Variants in NXNL2 observed in about 807,000 individuals in gnomAD.
The protein encoded by NXNL2 is nucleoredoxin like 2.
A neutral mutation model predicts 11.1 loss-of-function variants in NXNL2; 7 were observed. The ratio of observed to expected loss-of-function variants is 0.63; its 90% confidence interval spans 0.36 to 1.18. NXNL2 has a LOEUF of 1.18. NXNL2 is among the 50% of genes most tolerant of loss of function. The probability of loss-of-function intolerance (pLI) is 0.02; values close to 1 mark genes in which losing one functional copy is unlikely to be tolerated. For missense variants in NXNL2, 233 were observed against 217.7 expected, an observed-to-expected ratio of 1.07 and a Z score of -0.44; for synonymous variants, 109 against 101.8, an observed-to-expected ratio of 1.07 and a Z score of -0.42.
At chr9:88,564,358 A>T (rs1484471421) in intron 1 of NXNL2, among the ~76,000 whole-genome samples, 1 of 150,198 alleles carries the variant, frequency 6.7e-6, no homozygotes. Context: ...TTTATCTGTC[A>T]TCTATTATCT....
intron 1 of NXNL2, among the ~76,000 whole-genome samples, chr9:88,540,462 G>A (rs942715698): frequency 3.9e-5 from 6 of 152,052 alleles, no homozygotes; most frequent in Admixed American, 3.3e-4. Flanking sequence ...AGTTCCACAC[G>A]CGCCTCCCCT....
At chr9:88,543,867 G>C (rs1263871878) in intron 1 of NXNL2, among the ~76,000 whole-genome samples, 1 of 152,104 alleles carries the variant, frequency 6.6e-6, no homozygotes, top group Non-Finnish European at 1.5e-5. Flanking sequence ...TGTGGAATTG[G>C]GTTAGAAATG....
At chr9:88,539,342 A>G (rs781331115) in intron 1 of NXNL2, among the ~76,000 whole-genome samples, 18 of 152,148 alleles carry the variant, frequency 1.2e-4, no homozygotes, top group Non-Finnish European at 1.8e-4. Context: ...GGGGGTGCTC[A>G]GGAATCTGTA....
intron 1 of NXNL2, among the ~76,000 whole-genome samples, chr9:88,560,279 C>T (rs1455849070): frequency 6.6e-6 from 1 of 151,680 alleles, no homozygotes; most frequent in African/African-American, 2.4e-5. Flanking sequence ...GCCCACTCAG[C>T]CCTTCTGCTT....
At chr9:88,579,966 T>TA (rs901383429), downstream of NXNL2, among the ~76,000 whole-genome samples, 3 of 151,208 alleles carry the variant, frequency 2.0e-5, no homozygotes, top group East Asian at 2.0e-4. Context: ...CTATCTCTAC[T>TA]AAAAAAAATA....
chr9:88,555,753 G>A (rs978272044), intron 1 of NXNL2, among the ~76,000 whole-genome samples: 5 of 152,172 alleles, frequency 3.3e-5, no homozygotes, highest in African/African-American at 1.2e-4. Context: ...TTGGCACTGG[G>A]CTCACTCCTC....
intron 1 of NXNL2, among the ~76,000 whole-genome samples, chr9:88,567,303 T>A (rs548502035): frequency 6.6e-5 from 10 of 152,148 alleles, no homozygotes; most frequent in African/African-American, 2.2e-4. Flanking sequence ...CATCCCCAGC[T>A]AATTTTTGTA....
intron 1 of NXNL2, among the ~76,000 whole-genome samples, chr9:88,564,296 TCTATC>T (rs1564074723): frequency 6.4e-4 from 91 of 142,218 alleles, no homozygotes; most frequent in African/African-American, 2.6e-3. Context: ...TATCTATCTA[TCTATC>T]TATCTATCTA....
chr9:88,578,676 C>A (rs943012551), downstream of NXNL2, among the ~76,000 whole-genome samples: 1 of 152,232 alleles, frequency 6.6e-6, no homozygotes, highest in African/African-American at 2.4e-5. Flanking sequence ...TCGTGGTCAT[C>A]TGCTAGGCAG....
intron 1 of NXNL2, among the ~76,000 whole-genome samples, chr9:88,565,788 T>C (rs1413084727): frequency 1.3e-5 from 2 of 152,156 alleles, no homozygotes; most frequent in East Asian, 3.9e-4. Flanking sequence ...CCACCCACCT[T>C]GGTCTCCCAA....
At position 88,560,915 on chromosome 9, in the gene NXNL2, G is replaced by A. The variant is rs142337513; in HGVS notation, c.303-10172G>A. 6.1e-3 allele frequency among the ~76,000 whole-genome samples: 932 copies of A among 152,250 alleles called. 5 individuals are homozygous for A. The highest frequency in any genetic ancestry group is 9.9e-3 in the Non-Finnish European group (670 of 68,020). ...GGATATTGAGAGCACTGCGCTGGGG[G>A]AGGAAAGAAAAACACAAGATGATTC... On this transcript the variant is annotated intron_variant, in intron 1 of 2. Coordinates refer to the NXNL2 transcript ENST00000375855.
At position 88,544,127 on chromosome 9, in the gene NXNL2, C is replaced by T. The variant is rs148778000; in HGVS notation, c.303-252C>T. Among the ~76,000 whole-genome samples the T allele has an allele frequency of 1.9e-4, 29 of 152,220 alleles. No homozygotes were observed. The East Asian group carries it at 2.3e-3, about 12-fold the overall frequency. On this transcript the variant is annotated intron_variant, in intron 1 of 1. Transcript: ENST00000375854. ...TGGAGGTTGCAGTGAGCCGAGATCG[C>T]GCCATTGCACTCTAGCCTGGGCGAC...
In NXNL2 at chr9:88,561,984, C is replaced by A. The variant is rs117174773; in HGVS notation, c.303-9103C>A. On this transcript the variant is annotated intron_variant, in intron 1 of 2. Coordinates refer to the NXNL2 transcript ENST00000375855. ...ACGGATCCTATGTTACCCAAAGACACGACCAGGAATGTGCATAGCAGCACT... is the reference window on the plus strand; with the variant it reads ...ACGGATCCTATGTTACCCAAAGACAAGACCAGGAATGTGCATAGCAGCACT... Among the ~76,000 whole-genome samples, 23 of 152,250 alleles carry A rather than the reference C, an allele frequency of 1.5e-4. No individual in the cohort carries two copies. In the East Asian group the frequency reaches 4.4e-3, roughly 29 times the overall value.
chr9:88,580,709 A>C (rs1384408062), downstream of NXNL2, among the ~76,000 whole-genome samples: 1 of 152,208 alleles, frequency 6.6e-6, no homozygotes, highest in Non-Finnish European at 1.5e-5. Flanking sequence ...GCATTGATGC[A>C]GTACTGTTAA....
At position 88,544,810 on chromosome 9, in the gene NXNL2, A is replaced by G. The variant is rs1587843503; in HGVS notation, c.*263A>G. ...CACCTGTGCTTAAGGAAGGATCCTC[A>G]TATGTTCATACTGAGCTGTTGGAAA... On this transcript the variant is annotated 3_prime_UTR_variant, in exon 2 of 2. Transcript: ENST00000375854. The G allele has an allele frequency of 2.6e-6, 3 of 1,173,216 alleles. No homozygotes were observed. Among genetic ancestry groups the G allele is most frequent in the Non-Finnish European group, 3.2e-6 (3 of 950,036 alleles). 72.7% of individuals were successfully genotyped at this position (1,173,216 alleles called of 1,614,324 possible).
rs535259527 is a variant in NXNL2, at chr9:88,581,571, C to G, written n.552-2428C>G. 2.0e-5 allele frequency among the ~76,000 whole-genome samples: 3 copies of G among 152,264 alleles called. No homozygotes were observed. In the South Asian group the frequency reaches 6.2e-4, roughly 32 times the overall value. On this transcript the variant is annotated intron_variant and non_coding_transcript_variant, in intron 1 of 1. Transcript: ENST00000478686. ...TCCCGCCTCAGCCGCCTCAGCCTCC[C>G]GAGTAGCTGCAATTACAGGCATGCG...
chr9:88,558,571 C>T (rs1035811834), intron 1 of NXNL2, among the ~76,000 whole-genome samples: 2 of 152,104 alleles, frequency 1.3e-5, no homozygotes, highest in African/African-American at 4.8e-5. Flanking sequence ...GTCAAAAGCA[C>T]AGGTTAAACA....
chr9:88,578,849 C>T (rs1246932346), downstream of NXNL2, among the ~76,000 whole-genome samples: 1 of 152,242 alleles, frequency 6.6e-6, no homozygotes, highest in Non-Finnish European at 1.5e-5. Context: ...GGGGAAAGGG[C>T]TGGCCACGTT....
intron 1 of NXNL2, among the ~76,000 whole-genome samples, chr9:88,539,973 G>C (rs1326315354): frequency 6.6e-6 from 1 of 151,936 alleles, no homozygotes; most frequent in African/African-American, 2.4e-5. Context: ...GTGAGCCACC[G>C]CACCTGGCCA....
Sources: allele counts gnomAD v4.1 joint callset (sites outside exome capture counted in the v4.1 genomes callset), GRCh38; gene constraint gnomAD v4.1.1; transcripts MANE v1.5; gene names NCBI Gene and HGNC (gene_info 2026-07-23, HGNC 2026-07-21).